The following EVI5 variants were observed in gnomAD, a reference collection of about 807,000 sequenced individuals.
EVI5 encodes the protein ecotropic viral integration site 5.
Under a neutral mutation model 112.0 loss-of-function variants are expected in EVI5, and 73 were observed. That is an observed-to-expected ratio of 0.65 (90% CI 0.54 to 0.79). The LOEUF (loss-of-function observed/expected upper bound fraction) is 0.79. EVI5 is among the 30% of genes least tolerant of loss of function. EVI5 has a pLI of 0.00. For synonymous variants in EVI5, 305 were observed against 319.9 expected (o/e 0.95, Z 0.50); for missense variants, 900 against 968.8 (o/e 0.93, Z 0.94).
chr1:92,548,524 G>A (rs1287550333), intron 19 of EVI5, among the ~76,000 whole-genome samples: 1 of 152,038 alleles, frequency 6.6e-6, no homozygotes, highest in African/African-American at 2.4e-5. Flanking sequence ...AGAAATAAAG[G>A]GTATTCAATT....
At chr1:92,544,155 G>C (rs1665290501) in intron 19 of EVI5, among the ~76,000 whole-genome samples, 1 of 152,158 alleles carries the variant, frequency 6.6e-6, no homozygotes. Context: ...AGATTAGTGG[G>C]TTGCCTAGGG....
intron 1 of EVI5, among the ~76,000 whole-genome samples, chr1:92,744,389 T>G (rs1373435383): frequency 6.6e-6 from 1 of 152,188 alleles, no homozygotes; most frequent in African/African-American, 2.4e-5. Context: ...TATAAATTAC[T>G]GAGAGGTGTT....
At chr1:92,618,570 G>T (rs1478512439) in intron 16 of EVI5, among the ~76,000 whole-genome samples, 9 of 152,156 alleles carry the variant, frequency 5.9e-5, no homozygotes, top group African/African-American at 2.2e-4. Context: ...CTGTGATTAA[G>T]GTCAATGGGA....
intron 2 of EVI5, among the ~76,000 whole-genome samples, chr1:92,721,999 T>C (rs896887948): frequency 1.3e-5 from 2 of 152,122 alleles, no homozygotes; most frequent in Non-Finnish European, 2.9e-5. Context: ...GCACTGTCTG[T>C]AAGTGCTTTA....
chr1:92,687,677 C>G (rs1668793509), intron 9 of EVI5, among the ~76,000 whole-genome samples: 2 of 152,126 alleles, frequency 1.3e-5, no homozygotes, highest in African/African-American at 4.8e-5. Flanking sequence ...CTACAAAGAA[C>G]TTAAACAAAT....
rs1463296959 is a variant in EVI5, at chr1:92,784,951, G to C, written c.-197C>G. 1 of 985,714 alleles carries C rather than the reference G, an allele frequency of 1.0e-6. No homozygotes were observed. The highest frequency in any genetic ancestry group is 1.2e-6 in the Non-Finnish European group (1 of 830,316). The allele number at this position is 985,714 out of a possible 1,614,324, so 61.1% of individuals were successfully genotyped here. On this transcript the variant is annotated 5_prime_UTR_variant, in exon 1 of 20. Transcript: ENST00000684568. Reference sequence around the variant, plus strand: ...CCTGGCTCCACGGGTCGCCCGTCCCGAGTTCCCAAAAGCACCACGCTCACT... The same window carrying C: ...CCTGGCTCCACGGGTCGCCCGTCCCCAGTTCCCAAAAGCACCACGCTCACT...
At chr1:92,755,521 C>T (rs139455688) in intron 1 of EVI5, among the ~76,000 whole-genome samples, 15 of 152,228 alleles carry the variant, frequency 9.9e-5, no homozygotes, top group African/African-American at 3.6e-4. Context: ...ATTCATACAG[C>T]TGTTTAGAAC....
At position 92,621,918 on chromosome 1, in the gene EVI5, C is replaced by T. The variant is rs941375332; in HGVS notation, c.1827+2258G>A. Among the ~76,000 whole-genome samples the T allele has an allele frequency of 1.0e-3, 158 of 152,036 alleles. 1 individual carries two copies. Among genetic ancestry groups the T allele is most frequent in the African/African-American group, 3.5e-3 (145 of 41,500 alleles). ...TGGGTGGATCACAAGGTCAGGAGTTCAAGACTAGCCTGGCCAACATGGTGA... is the reference window on the plus strand; with the variant it reads ...TGGGTGGATCACAAGGTCAGGAGTTTAAGACTAGCCTGGCCAACATGGTGA... On this transcript the variant is annotated intron_variant, in intron 16 of 19. Coordinates refer to ENST00000684568, the MANE Select transcript of EVI5 (RefSeq NM_001350197.2).
intron 9 of EVI5, among the ~76,000 whole-genome samples, chr1:92,684,488 A>T (rs1668160865): frequency 6.6e-6 from 1 of 152,186 alleles, no homozygotes; most frequent in South Asian, 2.1e-4. Flanking sequence ...GAAGAAACTG[A>T]ATCAATTAAT....
intron 17 of EVI5, among the ~76,000 whole-genome samples, chr1:92,606,723 A>G (rs1167285423): frequency 6.6e-6 from 1 of 152,164 alleles, no homozygotes; most frequent in Non-Finnish European, 1.5e-5. Flanking sequence ...GTGCCATCAA[A>G]AGTCTTATTT....
chr1:92,547,358 G>A (rs1286368794), intron 19 of EVI5, among the ~76,000 whole-genome samples: 1 of 152,168 alleles, frequency 6.6e-6, no homozygotes, highest in African/African-American at 2.4e-5. Flanking sequence ...AGTGTGTAGA[G>A]GGAAATTTAT....
rs1662918310 is a variant in EVI5 at position 92,655,900 on chromosome 1, A to G, written c.1392+6819T>C. ...CTTGGAAACAAAAATAAATAAAAAG[A>G]AAAAGAAAAGAAAACCAAAGAAAAA... On this transcript the variant is annotated intron_variant, in intron 13 of 19. Coordinates refer to ENST00000684568, the MANE Select transcript of EVI5 (RefSeq NM_001350197.2). 2.0e-5 allele frequency among the ~76,000 whole-genome samples: 3 copies of G among 152,184 alleles called. No individual in the cohort carries two copies. In the South Asian group the frequency reaches 6.2e-4, roughly 31 times the overall value.
At chr1:92,560,487 T>C (rs982483059) in intron 19 of EVI5, among the ~76,000 whole-genome samples, 3 of 152,190 alleles carry the variant, frequency 2.0e-5, no homozygotes, top group African/African-American at 4.8e-5. Flanking sequence ...TTTGTGATAA[T>C]TTATTGAGCT....
chr1:92,530,346 G>A (rs754767170), intron 19 of EVI5, among the ~76,000 whole-genome samples: 5 of 152,110 alleles, frequency 3.3e-5, no homozygotes, highest in South Asian at 4.2e-4. Context: ...GGGAAGGGGC[G>A]GTTGGGGGCA....
intron 18 of EVI5, among the ~76,000 whole-genome samples, chr1:92,589,573 C>T (rs1461452117): frequency 3.9e-5 from 6 of 152,110 alleles, no homozygotes; most frequent in Non-Finnish European, 8.8e-5. Context: ...GGGGGAGGGG[C>T]GCCTGCCACT....
intron 18 of EVI5, among the ~76,000 whole-genome samples, chr1:92,579,988 T>C (rs925673219): frequency 1.1e-4 from 17 of 152,224 alleles, no homozygotes; most frequent in African/African-American, 3.1e-4. Context: ...AAGGAACATT[T>C]AGAATAATAA....
intron 9 of EVI5, among the ~76,000 whole-genome samples, chr1:92,688,326 T>C (rs1668906426): frequency 6.6e-6 from 1 of 152,162 alleles, no homozygotes; most frequent in Non-Finnish European, 1.5e-5. Flanking sequence ...AGGTGGGAGC[T>C]GAACAAAACC....
intron 1 of EVI5, among the ~76,000 whole-genome samples, chr1:92,759,158 G>T (rs1388713313): frequency 6.6e-6 from 1 of 152,138 alleles, no homozygotes. Flanking sequence ...AGGGGGCAGA[G>T]GTTACAGTGA....
chr1:92,616,304 G>C (rs1653124524), intron 16 of EVI5, among the ~76,000 whole-genome samples: 1 of 152,140 alleles, frequency 6.6e-6, no homozygotes, highest in African/African-American at 2.4e-5. Context: ...GCTCTTCTTA[G>C]TATGTCAGAT....
Sources: allele counts gnomAD v4.1 joint callset (sites outside exome capture counted in the v4.1 genomes callset), GRCh38; gene constraint gnomAD v4.1.1; transcripts MANE v1.5; gene names NCBI Gene and HGNC (gene_info 2026-07-23, HGNC 2026-07-21).